PRPSAP2: variants seen among roughly 807,000 people sequenced by gnomAD.
PRPSAP2 encodes phosphoribosyl pyrophosphate synthase-associated protein 2.
A neutral mutation model predicts 40.6 loss-of-function variants in PRPSAP2; 24 were observed. That is an observed-to-expected ratio of 0.59 (90% CI 0.43 to 0.83). The LOEUF (loss-of-function observed/expected upper bound fraction) is 0.83. PRPSAP2 is among the 40% of genes least tolerant of loss of function. The pLI, the probability that PRPSAP2 is intolerant of heterozygous loss-of-function variation, is 0.00. For synonymous variants in PRPSAP2, 149 were observed against 164.7 expected, an observed-to-expected ratio of 0.90 and a Z score of 0.73; for missense variants, 292 against 465.6, an observed-to-expected ratio of 0.63 and a Z score of 3.43.
intron 7 of PRPSAP2, among the ~76,000 whole-genome samples, chr17:18,885,656 C>T (rs934752446): frequency 2.0e-5 from 3 of 151,824 alleles, no homozygotes; most frequent in African/African-American, 4.8e-5. Flanking sequence ...GGCATGATCT[C>T]GGCTCACAGC....
chr17:18,919,158 G>A (rs546875557), intron 9 of PRPSAP2, among the ~76,000 whole-genome samples: 8 of 152,096 alleles, frequency 5.3e-5, no homozygotes, highest in Non-Finnish European at 1.0e-4. Context: ...TTGAGCCCAG[G>A]AGTTTGAGAC....
chr17:18,917,587 T>TTACTA (rs2041431201), intron 9 of PRPSAP2: 3 of 17,694 alleles, frequency 1.7e-4, no homozygotes, highest in Non-Finnish European at 3.0e-4. Context: ...TATTATTATT[T>TTACTA]TTTTTTTTTT....
chr17:18,923,510 T>G (rs999333720), intron 9 of PRPSAP2, among the ~76,000 whole-genome samples: 1 of 102,900 alleles, frequency 9.7e-6, no homozygotes, highest in African/African-American at 4.2e-5. Context: ...AATTCATATA[T>G]TATTAGCTTT....
At chr17:18,878,516 T>G (rs1424441845) in intron 6 of PRPSAP2, among the ~76,000 whole-genome samples, 1 of 152,174 alleles carries the variant, frequency 6.6e-6, no homozygotes, top group Non-Finnish European at 1.5e-5. Flanking sequence ...ATATTTGTGT[T>G]TGTGTGTGTG....
intron 9 of PRPSAP2, among the ~76,000 whole-genome samples, chr17:18,915,082 T>C (rs896019966): frequency 5.4e-5 from 8 of 148,102 alleles, no homozygotes; most frequent in Non-Finnish European, 8.9e-5. Context: ...TGGAGTGCAG[T>C]GGTGTGATCA....
At chr17:18,897,731 G>A (rs968877485) in intron 8 of PRPSAP2, among the ~76,000 whole-genome samples, 1 of 152,128 alleles carries the variant, frequency 6.6e-6, no homozygotes, top group Non-Finnish European at 1.5e-5. Context: ...CCAAAATGCT[G>A]GGATTACAGG....
chr17:18,885,904 G>A (rs2039109482), intron 7 of PRPSAP2, among the ~76,000 whole-genome samples: 1 of 152,012 alleles, frequency 6.6e-6, no homozygotes, highest in South Asian at 2.1e-4. Flanking sequence ...TGTGTTTTTA[G>A]TAGAGATAGG....
At chr17:18,920,032 G>T (rs972833136) in intron 9 of PRPSAP2, among the ~76,000 whole-genome samples, 3 of 152,182 alleles carry the variant, frequency 2.0e-5, no homozygotes, top group Non-Finnish European at 4.4e-5. Context: ...GTGCTGGGGG[G>T]TAGGCCTGGG....
chr17:18,916,672 G>A (rs9889420), intron 9 of PRPSAP2, among the ~76,000 whole-genome samples: 27,300 of 152,126 alleles, frequency 0.18, 2,693 homozygotes, highest in African/African-American at 0.24. Flanking sequence ...ATGAGCCACT[G>A]CACCCGGCCA....
At chr17:18,870,949 C>G (rs2037816317) in intron 4 of PRPSAP2, among the ~76,000 whole-genome samples, 1 of 152,002 alleles carries the variant, frequency 6.6e-6, no homozygotes, top group South Asian at 2.1e-4. Context: ...CCGCACCCAG[C>G]CCAACAACAA....
At chr17:18,877,953 G>A in intron 6 of PRPSAP2, 83 bp downstream of exon 6, 1 of 1,391,616 alleles carries the variant, frequency 7.2e-7, no homozygotes, top group Non-Finnish European at 9.8e-7. Flanking sequence ...ACAGGGTCTT[G>A]CCCTGTCACC....
intron 11 of PRPSAP2, chr17:18,929,947 C>T (rs1396072902): frequency 6.6e-6 from 1 of 152,146 alleles, no homozygotes; most frequent in African/African-American, 2.4e-5. Flanking sequence ...TTTTTCAAAG[C>T]AGCTGCGCCA....
intron 10 of PRPSAP2, 61 bp from the exon 11 acceptor site, chr17:18,928,750 T>G (rs772145230): frequency 6.3e-7 from 1 of 1,597,742 alleles, no homozygotes; most frequent in Non-Finnish European, 8.5e-7. Context: ...TTTTTCCTGG[T>G]TGTCTAACCT....
At chr17:18,919,935 AG>A (rs2041597761) in intron 9 of PRPSAP2, among the ~76,000 whole-genome samples, 1 of 152,094 alleles carries the variant, frequency 6.6e-6, no homozygotes, top group Non-Finnish European at 1.5e-5. Flanking sequence ...TGGGGCTGGG[AG>A]GGTGTTAATA....
intron 1 of PRPSAP2, among the ~76,000 whole-genome samples, chr17:18,860,153 A>C (rs1458444455): frequency 6.7e-6 from 1 of 149,060 alleles, no homozygotes; most frequent in African/African-American, 2.5e-5. Flanking sequence ...TCTGCCTCCC[A>C]AGTTCAAGCG....
chr17:18,904,656 A>G (rs997852835), intron 8 of PRPSAP2: 9 of 152,230 alleles, frequency 5.9e-5, no homozygotes, highest in Non-Finnish European at 4.4e-5. Flanking sequence ...TTGTTTGACA[A>G]TGAGCAGTTG....
intron 8 of PRPSAP2, among the ~76,000 whole-genome samples, chr17:18,895,403 A>C (rs112330534): frequency 1.3e-5 from 2 of 151,894 alleles, no homozygotes; most frequent in African/African-American, 4.8e-5. Flanking sequence ...TTTATGCCTA[A>C]ATAAATATTT....
At chr17:18,874,595 C>G (rs1002851517) in intron 5 of PRPSAP2, among the ~76,000 whole-genome samples, 8 of 152,188 alleles carry the variant, frequency 5.3e-5, no homozygotes, top group Non-Finnish European at 7.3e-5. Flanking sequence ...CGGGTGTGCT[C>G]TGAAGGAGGA....
At chr17:18,918,636 G>A (rs768023612) in intron 9 of PRPSAP2, among the ~76,000 whole-genome samples, 1 of 152,214 alleles carries the variant, frequency 6.6e-6, no homozygotes, top group Non-Finnish European at 1.5e-5. Context: ...TCTGTGTTTG[G>A]GATAGGGCTG....
Sources: allele counts gnomAD v4.1 joint callset (sites outside exome capture counted in the v4.1 genomes callset), GRCh38; gene constraint gnomAD v4.1.1; transcripts MANE v1.5; gene names NCBI Gene and HGNC (gene_info 2026-07-23, HGNC 2026-07-21).